EPAS1: variants seen among roughly 807,000 people sequenced by gnomAD.
EPAS1 encodes endothelial PAS domain protein 1, also known as endothelial PAS domain-containing protein 1.
EPAS1 carries 23 observed loss-of-function variants against 87.9 expected under a neutral mutation model. That is an observed-to-expected ratio of 0.26 (90% CI 0.19 to 0.37). EPAS1 has a LOEUF of 0.37. Ranked by LOEUF, EPAS1 falls within the 10% of genes least tolerant of loss-of-function variation. EPAS1 has a pLI of 1.00. For missense variants in EPAS1, 1,138 were observed against 1,120.7 expected (o/e 1.02, Z -0.22); for synonymous variants, 508 against 444.3 (o/e 1.14, Z -1.80).
chr2:46,366,699 A>G (rs1684508079), intron 6 of EPAS1, among the ~76,000 whole-genome samples: 1 of 152,186 alleles, frequency 6.6e-6, no homozygotes, highest in Non-Finnish European at 1.5e-5. Context: ...CCAGTGAGTC[A>G]GGGGTCCTTA....
intron 1 of EPAS1, among the ~76,000 whole-genome samples, chr2:46,301,007 A>G (rs1364571338): frequency 2.0e-5 from 3 of 152,244 alleles, no homozygotes. Context: ...TCCACACTTG[A>G]TATGTTTCCA....
At chr2:46,361,249 C>T (rs1372825350) in intron 6 of EPAS1, among the ~76,000 whole-genome samples, 159 bp downstream of exon 6, 1 of 152,170 alleles carries the variant, frequency 6.6e-6, no homozygotes, top group African/African-American at 2.4e-5. Context: ...ATCAGTGCCC[C>T]TCAGAGGTTC....
At chr2:46,363,686 A>G (rs1360327857) in intron 6 of EPAS1, among the ~76,000 whole-genome samples, 2 of 152,240 alleles carry the variant, frequency 1.3e-5, no homozygotes, top group South Asian at 2.1e-4. Context: ...TCTGGCTTAA[A>G]GGAAGTATCA....
At chr2:46,319,520 T>A (rs1007446245) in intron 1 of EPAS1, among the ~76,000 whole-genome samples, 15 of 152,258 alleles carry the variant, frequency 9.9e-5, no homozygotes, top group Non-Finnish European at 2.1e-4. Flanking sequence ...AAGATTATTT[T>A]AAAAATCCAA....
intron 1 of EPAS1, among the ~76,000 whole-genome samples, chr2:46,304,334 A>G (rs1393696982): frequency 1.3e-5 from 2 of 152,170 alleles, no homozygotes; most frequent in African/African-American, 2.4e-5. Context: ...TATAGGTAGC[A>G]TGGGCAGAGC....
At chr2:46,332,466 A>T (rs1028107628) in intron 1 of EPAS1, among the ~76,000 whole-genome samples, 1 of 152,098 alleles carries the variant, frequency 6.6e-6, no homozygotes, top group South Asian at 2.1e-4. Context: ...GGCTAGCCAG[A>T]TAAGAGGGGC....
At chr2:46,330,998 T>G (rs531795334) in intron 1 of EPAS1, among the ~76,000 whole-genome samples, 6 of 152,352 alleles carry the variant, frequency 3.9e-5, no homozygotes, top group African/African-American at 1.4e-4. Flanking sequence ...TCCTGACTTC[T>G]GTAGCAATGG....
At chr2:46,308,180 T>C (rs948250077) in intron 1 of EPAS1, among the ~76,000 whole-genome samples, 36 of 152,188 alleles carry the variant, frequency 2.4e-4, no homozygotes, top group African/African-American at 8.7e-4. Flanking sequence ...CTGGATGCTT[T>C]TCCCCTCTCT....
intron 10 of EPAS1, among the ~76,000 whole-genome samples, 198 bp from the exon 11 acceptor site, chr2:46,378,459 A>G (rs1684806778): frequency 6.6e-6 from 1 of 152,208 alleles, no homozygotes; most frequent in South Asian, 2.1e-4. Context: ...TTTTATGATG[A>G]GGAGACTGGA....
chr2:46,359,958 T>C (rs7583554), intron 4 of EPAS1, among the ~76,000 whole-genome samples: 61,927 of 151,950 alleles, frequency 0.41, 13,290 homozygotes, highest in East Asian at 0.79. Flanking sequence ...TAATTTTTGC[T>C]GAGAGAGAGG....
In EPAS1 at chr2:46,360,119, A is replaced by G. The variant is rs1461988177; in HGVS notation, c.455-519A>G. On this transcript the variant is annotated intron_variant, in intron 4 of 15. Transcript: ENST00000263734. The surrounding 1 kb of genome is among the most constrained non-coding windows in gnomAD (Gnocchi z 4.5). ...ATGGTATCCTGAACACAGCTATTGC[A>G]GTTTGCAAATGGGGTACAGGAGGGG... Among the ~76,000 whole-genome samples, 2 of 152,206 alleles carry G rather than the reference A, an allele frequency of 1.3e-5. No homozygotes were observed. Among genetic ancestry groups the G allele is most frequent in the African/African-American group, 4.8e-5 (2 of 41,462 alleles).
Position 46,360,780 on chromosome 2 carries a change from T to C in EPAS1, c.573+24T>C, listed in dbSNP as rs1040207378. On this transcript the variant is annotated intron_variant, in intron 5 of 15. Coordinates refer to ENST00000263734, the MANE Select transcript of EPAS1 (RefSeq NM_001430.5). This position sits in a 1 kb window ranked among gnomAD's most constrained non-coding sequence, Gnocchi z 4.5. ...AGGTAGGGCAACATCAGGCCTGGGT[T>C]GGAGTCCCAGGTGTAGGGTAACGGC... 6 of 1,612,698 alleles carry C rather than the reference T, an allele frequency of 3.7e-6. No homozygotes were observed. Among genetic ancestry groups the C allele is most frequent in the South Asian group, 2.2e-5 (2 of 91,062 alleles).
At position 46,297,561 on chromosome 2, in the gene EPAS1, C is replaced by CTTT; in HGVS notation, c.-343_-341dup. 1 of 303,224 alleles carries CTTT rather than the reference C, an allele frequency of 3.3e-6. No individual in the cohort carries two copies. Among genetic ancestry groups the CTTT allele is most frequent in the African/African-American group, 2.3e-5 (1 of 42,556 alleles). 18.8% of individuals were successfully genotyped at this position (303,224 alleles called of 1,614,324 possible). A position where few individuals can be genotyped will look rare whatever the true frequency, so the allele number is the denominator to read the frequency against. ...CTTCCGACTCCCAGCATTCGAGCCA[C>CTTT]TTTTTTTTTTCTTTGAAAACTCAGA... is the stretch of plus-strand genomic sequence containing the variant. On this transcript the variant is annotated 5_prime_UTR_variant, in exon 1 of 16. Coordinates refer to ENST00000263734, the MANE Select transcript of EPAS1 (RefSeq NM_001430.5).
Position 46,382,453 on chromosome 2 carries a change from C to G in EPAS1, c.2316C>G (p.Gly772=). 1 of 1,614,146 alleles carries G rather than the reference C, an allele frequency of 6.2e-7. No homozygotes were observed. The highest frequency in any genetic ancestry group is 2.2e-5 in the East Asian group (1 of 44,880). Residue 772 remains glycine, a synonymous_variant, in exon 15 of 16, where the codon GGC becomes GGG. Transcript: ENST00000263734. ...NDKFTQNPMR[G]LGHPLRHLPL... is the part of the protein sequence containing the mutation. ...AGTTCACCCAAAACCCCATGAGGGG[C>G]CTGGGCCATCCCCTGAGACATCTGC...
At chr2:46,338,618 C>T (rs1370469293) in intron 1 of EPAS1, among the ~76,000 whole-genome samples, 1 of 152,224 alleles carries the variant, frequency 6.6e-6, no homozygotes, top group African/African-American at 2.4e-5. Flanking sequence ...TCCTGCTCAT[C>T]AGCAAGGGTG....
In EPAS1 at chr2:46,360,981, A is replaced by G; in HGVS notation, c.670A>G (p.Ile224Val). The change falls in exon 6 of 16, where the codon ATC (isoleucine) becomes GTC (valine). Residue 224 changes from isoleucine to valine, a missense_variant. Transcript: ENST00000263734. This position sits in a 1 kb window ranked among gnomAD's most constrained non-coding sequence, Gnocchi z 4.5. ...GGAGCCCCTGCTGTCCTGCCTCATC[A>G]TCATGTGTGAACCAATCCAGCACCC... ...YKEPLLSCLIIMCEPIQHPSH... is the reference protein window; with the variant it reads ...YKEPLLSCLIVMCEPIQHPSH... 1.2e-6 allele frequency: 2 copies of G among 1,614,116 alleles called. No individual in the cohort carries two copies. The highest frequency in any genetic ancestry group is 1.7e-6 in the Non-Finnish European group (2 of 1,180,008).
At chr2:46,303,400 T>G (rs1334477401) in intron 1 of EPAS1, among the ~76,000 whole-genome samples, 2 of 152,092 alleles carry the variant, frequency 1.3e-5, no homozygotes, top group Non-Finnish European at 2.9e-5. Flanking sequence ...CTCCCTATGG[T>G]GTATCCCTTA....
chr2:46,343,440 C>T (rs1174811466), intron 1 of EPAS1, among the ~76,000 whole-genome samples: 2 of 152,220 alleles, frequency 1.3e-5, no homozygotes, highest in Non-Finnish European at 1.5e-5. Flanking sequence ...AGTCTCCTTG[C>T]TGCCAATGGA....
intron 9 of EPAS1, 144 bp from the exon 10 acceptor site, chr2:46,377,750 G>A (rs1326480313): frequency 1.6e-5 from 22 of 1,349,476 alleles, no homozygotes; most frequent in Non-Finnish European, 2.1e-5. Context: ...TGTTCCAGCT[G>A]AGCCCCAGGG....
Sources: allele counts gnomAD v4.1 joint callset (sites outside exome capture counted in the v4.1 genomes callset), GRCh38; gene constraint gnomAD v4.1.1; non-coding constraint Gnocchi (gnomAD v3.1); transcripts MANE v1.5; gene names NCBI Gene and HGNC (gene_info 2026-07-23, HGNC 2026-07-21).